ATRX: variants seen among roughly 807,000 people sequenced by gnomAD.
ATRX encodes ATRX chromatin remodeler.
In ATRX, 12 loss-of-function variants were observed where a neutral mutation model predicts 172.6. The observed-to-expected ratio is 0.07, with a 90% confidence interval of 0.04 to 0.11. The LOEUF (loss-of-function observed/expected upper bound fraction) is 0.11, where lower values mean the gene tolerates loss of function less well. Ranked by LOEUF, ATRX falls within the 10% of genes least tolerant of loss-of-function variation. ATRX has a pLI of 1.00. For synonymous variants in ATRX, 674 were observed against 594.7 expected (o/e 1.13, Z -1.94); for missense variants, 1,368 against 1,767.4 (o/e 0.77, Z 4.05).
At chrX:77,574,412 T>C (rs1319761615) in intron 27 of ATRX, 54 bp from the exon 28 acceptor site, 6 of 891,704 alleles carry the variant, frequency 6.7e-6, no homozygotes, top group Middle Eastern at 2.7e-4. Context: ...CTCTGCTTAC[T>C]GGTAAGAACA....
chrX:77,565,330 G>A (rs1464186284), intron 28 of ATRX, among the ~76,000 whole-genome samples: 2 of 111,753 alleles, frequency 1.8e-5, no homozygotes, highest in African/African-American at 3.3e-5. Context: ...TAACCAACAT[G>A]CCCAGTTTAA....
chrX:77,606,852 T>C lies in ATRX; in HGVS notation c.5567-6288A>G, dbSNP rs112752206. ...CATATATGGAAATCAATCAATGTGA[T>C]ACATCGTTATGAACAAAATAAAGGA... On this transcript the variant is annotated intron_variant, in intron 22 of 34. Coordinates refer to ENST00000373344, the MANE Select transcript of ATRX (RefSeq NM_000489.6). 1.8e-3 allele frequency among the ~76,000 whole-genome samples: 199 copies of C among 110,373 alleles called. 2 individuals are homozygous for C. Among genetic ancestry groups the C allele is most frequent in the African/African-American group, 6.1e-3 (186 of 30,357 alleles).
chrX:77,519,761 A>G (rs1272601505), intron 34 of ATRX, among the ~76,000 whole-genome samples: 1 of 111,339 alleles, frequency 9.0e-6, no homozygotes, highest in East Asian at 2.8e-4. Context: ...TCCTCAGAAA[A>G]CTAAAAACAG....
chrX:77,512,218 CTT>C (rs2062894191), intron 34 of ATRX, among the ~76,000 whole-genome samples: 1 of 111,799 alleles, frequency 8.9e-6, no homozygotes, highest in Non-Finnish European at 1.9e-5. Context: ...AAACAAAAAA[CTT>C]TTACCCTAGA....
At chrX:77,672,680 C>T (rs1007304099) in intron 10 of ATRX, among the ~76,000 whole-genome samples, 2 of 109,452 alleles carry the variant, frequency 1.8e-5, no homozygotes, top group East Asian at 5.7e-4. Context: ...CATCAAATTT[C>T]GCTTCTATGA....
At chrX:77,753,942 A>C (rs2075393234) in intron 1 of ATRX, among the ~76,000 whole-genome samples, 2 of 111,695 alleles carry the variant, frequency 1.8e-5, no homozygotes, top group Admixed American at 1.9e-4. Flanking sequence ...GTGTGGTGTT[A>C]AAGTCTCCCA....
intron 1 of ATRX, among the ~76,000 whole-genome samples, chrX:77,761,263 C>T (rs2075706282): frequency 1.8e-5 from 2 of 111,573 alleles, no homozygotes; most frequent in South Asian, 3.8e-4. Flanking sequence ...TATGGCCAGG[C>T]GCAGTGGCTC....
intron 30 of ATRX, among the ~76,000 whole-genome samples, chrX:77,528,799 G>C (rs1416323365): frequency 8.9e-6 from 1 of 111,945 alleles, no homozygotes; most frequent in Non-Finnish European, 1.9e-5. Flanking sequence ...CACAGAACTG[G>C]GCTGAGGCTG....
At chrX:77,625,360 A>C (rs1265635886) in intron 19 of ATRX, among the ~76,000 whole-genome samples, 2 of 112,682 alleles carry the variant, frequency 1.8e-5, no homozygotes, top group Non-Finnish European at 3.8e-5. Context: ...CAAGAACCCA[A>C]AAGCAAATGC....
intron 30 of ATRX, among the ~76,000 whole-genome samples, chrX:77,556,170 T>C (rs1181203797): frequency 1.1e-5 from 1 of 89,997 alleles, no homozygotes; most frequent in Non-Finnish European, 2.1e-5. Context: ...AGTGAGACTG[T>C]CTCAAAAAGA....
rs574721971 is a variant in ATRX, at chrX:77,728,828, C to G, written c.21-11585G>C. 1.5e-4 allele frequency among the ~76,000 whole-genome samples: 15 copies of G among 102,577 alleles called. No homozygotes were observed. In the South Asian group the frequency reaches 6.7e-3, roughly 46 times the overall value. 89.1% of individuals were successfully genotyped at this position (102,577 alleles called of 115,157 possible). On this transcript the variant is annotated intron_variant, in intron 1 of 34. Coordinates refer to ENST00000373344, the MANE Select transcript of ATRX (RefSeq NM_000489.6). ...AGGCTGGAGTGCAGTGGTTCGATCT[C>G]GGCTCACTGCAACCTCTCCACCTCC...
intron 28 of ATRX, 67 bp from the exon 29 acceptor site, chrX:77,558,913 T>C (rs1217620307): frequency 1.1e-6 from 1 of 915,190 alleles, no homozygotes; most frequent in African/African-American, 2.0e-5. Flanking sequence ...AATTACAATA[T>C]GACTTTTTGA....
At chrX:77,591,282 G>A (rs1174057665) in intron 26 of ATRX, among the ~76,000 whole-genome samples, 1 of 111,631 alleles carries the variant, frequency 9.0e-6, no homozygotes, top group African/African-American at 3.3e-5. Context: ...TAACCCACTG[G>A]ACAGAATTTA....
At chrX:77,557,796 T>A in intron 29 of ATRX, 151 bp from the exon 30 acceptor site, 1 of 480,184 alleles carries the variant, frequency 2.1e-6, no homozygotes, top group Non-Finnish European at 3.5e-6. Flanking sequence ...CAATTTTGCT[T>A]AATTCATGAA....
intron 30 of ATRX, among the ~76,000 whole-genome samples, chrX:77,548,128 C>G (rs2064315268): frequency 9.0e-6 from 1 of 111,225 alleles, no homozygotes. Context: ...CATGGTTTGC[C>G]TAAGATTACA....
intron 7 of ATRX, among the ~76,000 whole-genome samples, chrX:77,686,389 G>A (rs2071556133): frequency 9.0e-6 from 1 of 111,670 alleles, no homozygotes; most frequent in Admixed American, 9.5e-5. Context: ...AAGGGAGTAT[G>A]TGTGCATGTT....
intron 28 of ATRX, among the ~76,000 whole-genome samples, chrX:77,563,900 G>A (rs1448179852): frequency 9.0e-6 from 1 of 110,571 alleles, no homozygotes. Context: ...GGGGCAGTTG[G>A]TATAAGTCCT....
intron 15 of ATRX, among the ~76,000 whole-genome samples, chrX:77,646,714 A>C (rs2068935403): frequency 9.0e-6 from 1 of 111,013 alleles, no homozygotes; most frequent in South Asian, 3.8e-4. Flanking sequence ...TGAGGCCAGG[A>C]GTTGGAGACC....
chrX:77,623,276 G>A (rs1488469982), intron 19 of ATRX, among the ~76,000 whole-genome samples: 3 of 111,337 alleles, frequency 2.7e-5, no homozygotes, highest in African/African-American at 9.8e-5. Context: ...AGGCTATTAT[G>A]AATACCTTTA....
Sources: gnomAD v4.1 joint callset for allele counts (sites outside exome capture counted in the v4.1 genomes callset) on GRCh38, gnomAD v4.1.1 for gene constraint, MANE v1.5 for transcripts, NCBI Gene and HGNC (gene_info 2026-07-23, HGNC 2026-07-21) for gene names.